The following SPIDR variants were observed in gnomAD, a reference collection of about 807,000 sequenced individuals.
SPIDR encodes DNA repair-scaffolding protein.
In SPIDR, 93 loss-of-function variants were observed where a neutral mutation model predicts 104.6. That is an observed-to-expected ratio of 0.89 (90% CI 0.75 to 1.06). The LOEUF is 1.06. SPIDR is among the 50% of genes least tolerant of loss of function. SPIDR has a pLI of 0.00. For missense variants in SPIDR, 1,154 were observed against 1,111.2 expected (o/e 1.04, Z -0.55); for synonymous variants, 431 against 416.9 (o/e 1.03, Z -0.41).
intron 17 of SPIDR, 83 bp from the exon 18 acceptor site, chr8:47,728,850 T>C (rs1225174955): frequency 2.7e-6 from 4 of 1,476,130 alleles, no homozygotes; most frequent in African/African-American, 1.4e-5. Flanking sequence ...CAGACACTCA[T>C]GTTTAAGAAA....
chr8:47,348,707 A>C (rs1444426148), intron 5 of SPIDR, among the ~76,000 whole-genome samples: 1 of 151,826 alleles, frequency 6.6e-6, no homozygotes, highest in African/African-American at 2.4e-5. Context: ...CATTCATTTG[A>C]TCTTCAGTCA....
intron 16 of SPIDR, among the ~76,000 whole-genome samples, chr8:47,718,782 A>G (rs932673913): frequency 1.3e-5 from 2 of 151,842 alleles, no homozygotes; most frequent in Admixed American, 6.6e-5. Context: ...TTTCCCCTCA[A>G]CTTTTAAGTT....
chr8:47,419,460 T>C (rs1554678140), intron 7 of SPIDR, among the ~76,000 whole-genome samples: 8 of 152,346 alleles, frequency 5.3e-5, no homozygotes, highest in African/African-American at 1.9e-4. Context: ...GGATCGGTGG[T>C]GATATCCCCT....
intron 8 of SPIDR, among the ~76,000 whole-genome samples, chr8:47,549,747 C>T (rs374610791): frequency 1.4e-4 from 21 of 152,170 alleles, no homozygotes; most frequent in South Asian, 2.1e-4. Context: ...TTTCTTTTGC[C>T]GTGCAGAAGC....
At chr8:47,729,709 G>A in intron 19 of SPIDR, 1 of 516,184 alleles carries the variant, frequency 1.9e-6, no homozygotes, top group South Asian at 3.0e-5. Flanking sequence ...CTGTCCCCTG[G>A]CTTTTTTGTT....
chr8:47,322,414 C>T (rs1234176412), intron 5 of SPIDR, among the ~76,000 whole-genome samples: 2 of 152,130 alleles, frequency 1.3e-5, no homozygotes, highest in Non-Finnish European at 2.9e-5. Flanking sequence ...GTTAGAATGG[C>T]AGTCATTAAG....
intron 8 of SPIDR, among the ~76,000 whole-genome samples, chr8:47,458,726 G>A (rs2073439600): frequency 6.6e-6 from 1 of 152,028 alleles, no homozygotes; most frequent in Non-Finnish European, 1.5e-5. Context: ...AGTTCTCTGA[G>A]GGAATGCTTT....
At chr8:47,677,764 G>C (rs1318846259) in intron 11 of SPIDR, among the ~76,000 whole-genome samples, 1 of 152,154 alleles carries the variant, frequency 6.6e-6, no homozygotes, top group South Asian at 2.1e-4. Context: ...ATCTCAGAAG[G>C]TTTCATGAAA....
At chr8:47,333,427 G>A (rs531012551) in intron 5 of SPIDR, among the ~76,000 whole-genome samples, 3 of 151,836 alleles carry the variant, frequency 2.0e-5, no homozygotes, top group South Asian at 2.1e-4. Context: ...TCAGCCTCCC[G>A]AGTAGCTGGG....
chr8:47,679,349 G>T (rs914566627), intron 11 of SPIDR, among the ~76,000 whole-genome samples: 1 of 152,196 alleles, frequency 6.6e-6, no homozygotes, highest in East Asian at 1.9e-4. Flanking sequence ...CTCCAGTGCT[G>T]GCCCATGGCA....
At chr8:47,399,476 C>A (rs1239102168) in intron 6 of SPIDR, among the ~76,000 whole-genome samples, 1 of 152,186 alleles carries the variant, frequency 6.6e-6, no homozygotes, top group East Asian at 1.9e-4. Context: ...CCTTCATTAG[C>A]TGACAGGGAG....
At chr8:47,322,927 G>C (rs1007494338) in intron 5 of SPIDR, among the ~76,000 whole-genome samples, 1 of 151,998 alleles carries the variant, frequency 6.6e-6, no homozygotes, top group African/African-American at 2.4e-5. Flanking sequence ...ATCATACGCC[G>C]GGGCCTGTTG....
At chr8:47,540,452 CA>C (rs1368237031) in intron 8 of SPIDR, among the ~76,000 whole-genome samples, 1 of 152,114 alleles carries the variant, frequency 6.6e-6, no homozygotes, top group African/African-American at 2.4e-5. Context: ...GAAAAGCATT[CA>C]AAAAATATAT....
intron 5 of SPIDR, among the ~76,000 whole-genome samples, chr8:47,377,287 C>T (rs2058767061): frequency 6.6e-6 from 1 of 152,192 alleles, no homozygotes; most frequent in East Asian, 1.9e-4. Context: ...AAAATTAATA[C>T]AATCCGATAA....
At chr8:47,315,735 C>A (rs2045216976) in intron 5 of SPIDR, among the ~76,000 whole-genome samples, 1 of 151,986 alleles carries the variant, frequency 6.6e-6, no homozygotes, top group African/African-American at 2.4e-5. Context: ...TTATTTTTAA[C>A]AAAGACAGCT....
At position 47,701,837 on chromosome 8, in the gene SPIDR, TA is replaced by T; in HGVS notation, c.1891del (p.Thr631ProfsTer4). ...TTTATAAGCTTTACCAGCCTCCAGT[TA>T]CCCGCTGCTTAAGAGACATTCTCCA... ...PIYKLYQPPV[T>X]RCLRDILQMN... On this transcript the variant is annotated frameshift_variant, in exon 13 of 20. Transcript: ENST00000297423. LOFTEE classifies it high-confidence loss of function. 6.2e-7 allele frequency: 1 copy of T among 1,614,188 alleles called. No homozygotes were observed.
intron 8 of SPIDR, among the ~76,000 whole-genome samples, chr8:47,513,127 G>A (rs771349232): frequency 3.9e-5 from 6 of 152,164 alleles, no homozygotes; most frequent in Non-Finnish European, 8.8e-5. Flanking sequence ...ACAAATTTAA[G>A]CCAATCATTG....
At chr8:47,559,192 G>A (rs957143195) in intron 8 of SPIDR, among the ~76,000 whole-genome samples, 2 of 152,184 alleles carry the variant, frequency 1.3e-5, no homozygotes, top group African/African-American at 4.8e-5. Flanking sequence ...AAACACTTTA[G>A]TTATACAGAG....
At chr8:47,630,001 G>GA (rs1563365069) in intron 10 of SPIDR, among the ~76,000 whole-genome samples, 2 of 152,166 alleles carry the variant, frequency 1.3e-5, no homozygotes, top group African/African-American at 4.8e-5. Flanking sequence ...ACTATATGCA[G>GA]AAAAAATGTA....
Sources: allele counts gnomAD v4.1 joint callset (sites outside exome capture counted in the v4.1 genomes callset), GRCh38; gene constraint gnomAD v4.1.1; transcripts MANE v1.5; gene names NCBI Gene and HGNC (gene_info 2026-07-23, HGNC 2026-07-21).